The following GRIK2 variants were observed in gnomAD, a reference collection of about 807,000 sequenced individuals.
GRIK2 encodes the protein glutamate receptor ionotropic, kainate 2.
Under a neutral mutation model 100.3 loss-of-function variants are expected in GRIK2, and 32 were observed. The observed-to-expected ratio is 0.32, with a 90% confidence interval of 0.24 to 0.43. The LOEUF (loss-of-function observed/expected upper bound fraction) is 0.43. GRIK2 is among the 20% of genes least tolerant of loss of function. The pLI, the probability that GRIK2 is intolerant of heterozygous loss-of-function variation, is 1.00. For missense variants in GRIK2, 843 were observed against 1,114.9 expected, an observed-to-expected ratio of 0.76 and a Z score of 3.47; for synonymous variants, 417 against 389.4, an observed-to-expected ratio of 1.07 and a Z score of -0.83.
rs9498776 is a variant in GRIK2, at chr6:101,973,836, G to A, written c.2085+45204G>A. ...AAATAGGTGTGAGAAATGATGCATT[G>A]TATAGCACATCTGATTGCAGTGAAT... is the stretch of plus-strand genomic sequence containing the variant. On this transcript the variant is annotated intron_variant, in intron 14 of 16. Coordinates refer to ENST00000369134, the MANE Select transcript of GRIK2 (RefSeq NM_021956.5). 8.1e-3 allele frequency among the ~76,000 whole-genome samples: 1,224 copies of A among 151,992 alleles called. 16 individuals carry two copies. Among genetic ancestry groups the A allele is most frequent in the African/African-American group, 0.029 (1,189 of 41,502 alleles).
chr6:101,491,725 C>A (rs1359370125), intron 2 of GRIK2, among the ~76,000 whole-genome samples: 1 of 151,900 alleles, frequency 6.6e-6, no homozygotes, highest in Non-Finnish European at 1.5e-5. Context: ...TTCTTACATA[C>A]TATACTATTA....
intron 2 of GRIK2, among the ~76,000 whole-genome samples, chr6:101,500,136 G>C (rs2852537): frequency 0.076 from 11,565 of 152,082 alleles, 529 homozygotes; most frequent in Middle Eastern, 0.12. Context: ...GTAAATTCTG[G>C]ATTAAAGGCC....
intron 7 of GRIK2, among the ~76,000 whole-genome samples, chr6:101,748,018 G>C (rs1776533312): frequency 6.6e-6 from 1 of 152,098 alleles, no homozygotes; most frequent in Non-Finnish European, 1.5e-5. Flanking sequence ...GCAATTGCTA[G>C]AATTTCTCCT....
chr6:101,467,398 AT>A (rs778986420), intron 2 of GRIK2, among the ~76,000 whole-genome samples: 14 of 152,182 alleles, frequency 9.2e-5, no homozygotes, highest in Non-Finnish European at 1.5e-4. Context: ...CCAATTAGGA[AT>A]AGTTTCATTA....
rs926681527 is a variant in GRIK2, at chr6:101,988,106, T to C, written c.2086-47235T>C. Among the ~76,000 whole-genome samples, 332 of 37,300 alleles carry C rather than the reference T, an allele frequency of 8.9e-3. 3 individuals carry two copies. The highest frequency in any genetic ancestry group is 0.031 in the African/African-American group (304 of 9,870). The allele number at this position is 37,300 out of a possible 152,430, so 24.5% of individuals were successfully genotyped here. On this transcript the variant is annotated intron_variant, in intron 14 of 16. Transcript: ENST00000369134. The stretch of plus-strand genomic sequence containing the variant: ...CAGTATTATAGTGTGTGTGTGTGTG[T>C]GTGTGTGTGTGTGTGTGTGTGTGTG...
chr6:101,467,228 C>T (rs1198607087), intron 2 of GRIK2, among the ~76,000 whole-genome samples: 2 of 152,086 alleles, frequency 1.3e-5, no homozygotes, highest in African/African-American at 4.8e-5. Flanking sequence ...ATGGGGACTA[C>T]ATATAAATAA....
At chr6:102,003,387 G>A (rs1001031949) in intron 14 of GRIK2, among the ~76,000 whole-genome samples, 1 of 151,478 alleles carries the variant, frequency 6.6e-6, no homozygotes, top group Non-Finnish European at 1.5e-5. Flanking sequence ...AATCATCTTG[G>A]AATCCTCTGG....
In GRIK2 at chr6:101,673,496, C is replaced by T. The variant is rs150461509; in HGVS notation, c.542-3127C>T. 9.0e-3 allele frequency among the ~76,000 whole-genome samples: 1,373 copies of T among 152,216 alleles called. 14 individuals are homozygous for T. The highest frequency in any genetic ancestry group is 0.024 in the Middle Eastern group (7 of 294). ...ATTTTACAAAAGCTTCTGAAGCAGC[C>T]CCGTGCTTGCATCTACAGCTGGGCT... On this transcript the variant is annotated intron_variant, in intron 4 of 16. Coordinates refer to ENST00000369134, the MANE Select transcript of GRIK2 (RefSeq NM_021956.5).
intron 4 of GRIK2, among the ~76,000 whole-genome samples, chr6:101,668,296 CAGA>C (rs1196162755): frequency 1.3e-5 from 2 of 152,102 alleles, no homozygotes; most frequent in Non-Finnish European, 2.9e-5. Context: ...CACCCACCTC[CAGA>C]AGGAGAGAAT....
intron 14 of GRIK2, among the ~76,000 whole-genome samples, chr6:101,954,932 T>C (rs540876136): frequency 6.6e-6 from 1 of 152,306 alleles, no homozygotes; most frequent in East Asian, 1.9e-4. Context: ...AATTTGTCAA[T>C]GCTTTTCCTG....
At chr6:101,842,508 G>T (rs535886809) in intron 10 of GRIK2, among the ~76,000 whole-genome samples, 1 of 151,874 alleles carries the variant, frequency 6.6e-6, no homozygotes, top group African/African-American at 2.4e-5. Context: ...ATATTTTTCT[G>T]TACAAGTTCT....
intron 14 of GRIK2, among the ~76,000 whole-genome samples, chr6:102,006,215 AAAAT>A (rs1183673797): frequency 6.6e-6 from 1 of 151,846 alleles, no homozygotes; most frequent in East Asian, 1.9e-4. Flanking sequence ...TGTGTAATAA[AAAAT>A]AAATACTTTC....
intron 15 of GRIK2, among the ~76,000 whole-genome samples, 156 bp downstream of exon 15, chr6:102,035,722 G>T (rs999317474): frequency 6.6e-6 from 1 of 151,182 alleles, no homozygotes; most frequent in African/African-American, 2.4e-5. Flanking sequence ...TTATCATTTT[G>T]GACATATTCT....
At chr6:101,640,995 CACTT>C (rs1351858040) in intron 4 of GRIK2, among the ~76,000 whole-genome samples, 1 of 152,040 alleles carries the variant, frequency 6.6e-6, no homozygotes, top group Admixed American at 6.6e-5. Flanking sequence ...TTCTTAAAAA[CACTT>C]AATTGTCTGA....
At chr6:101,763,033 C>T (rs1266844210) in intron 7 of GRIK2, among the ~76,000 whole-genome samples, 2 of 152,134 alleles carry the variant, frequency 1.3e-5, no homozygotes, top group African/African-American at 4.8e-5. Flanking sequence ...CAAGAGGCCA[C>T]AGTGCCAGGA....
At chr6:101,619,904 G>A (rs1780068956) in intron 2 of GRIK2, among the ~76,000 whole-genome samples, 1 of 152,130 alleles carries the variant, frequency 6.6e-6, no homozygotes, top group Admixed American at 6.6e-5. Flanking sequence ...TGATAGCTAT[G>A]TGATCTTTGA....
chr6:101,565,862 G>A (rs527310), intron 2 of GRIK2, among the ~76,000 whole-genome samples: 69,686 of 145,524 alleles, frequency 0.48, 16,931 homozygotes, highest in African/African-American at 0.56. Context: ...CATATTTTGT[G>A]TATTATATGT....
chr6:101,419,823 A>G (rs939685013), intron 2 of GRIK2, among the ~76,000 whole-genome samples: 1 of 152,188 alleles, frequency 6.6e-6, no homozygotes, highest in Non-Finnish European at 1.5e-5. Flanking sequence ...TTTGATTGGG[A>G]TGTGAGATTC....
intron 2 of GRIK2, among the ~76,000 whole-genome samples, chr6:101,490,978 A>C (rs1257327355): frequency 6.8e-6 from 1 of 146,450 alleles, no homozygotes; most frequent in African/African-American, 2.6e-5. Flanking sequence ...TGATCTTGTG[A>C]GAAAGTAAGA....
Sources: gnomAD v4.1 joint callset for allele counts (sites outside exome capture counted in the v4.1 genomes callset) on GRCh38, gnomAD v4.1.1 for gene constraint, MANE v1.5 for transcripts, NCBI Gene and HGNC (gene_info 2026-07-23, HGNC 2026-07-21) for gene names.